Variants in TBCD observed in about 807,000 individuals in gnomAD.
TBCD encodes the protein tubulin folding cofactor D.
Under a neutral mutation model 169.3 loss-of-function variants are expected in TBCD, and 105 were observed. The ratio of observed to expected loss-of-function variants is 0.62; its 90% CI spans 0.53 to 0.73. The LOEUF is 0.73. Among genes scored for constraint, TBCD ranks in the 30% least tolerant of loss-of-function variants. The pLI is 0.00. For missense variants in TBCD, 1,444 were observed against 1,600.1 expected, an observed-to-expected ratio of 0.90 and a Z score of 1.66; for synonymous variants, 700 against 643.9, an observed-to-expected ratio of 1.09 and a Z score of -1.32.
intron 3 of TBCD, 111 bp from the exon 4 acceptor site, chr17:82,766,156 C>G (rs1184911083): frequency 1.2e-6 from 1 of 826,778 alleles, no homozygotes; most frequent in Non-Finnish European, 1.9e-6. Context: ...ACAGAATTCT[C>G]TTTGATCAGT....
chr17:82,936,362 C>T (rs1181852489), intron 34 of TBCD, among the ~76,000 whole-genome samples: 3 of 151,900 alleles, frequency 2.0e-5, no homozygotes, highest in African/African-American at 4.9e-5. Context: ...TAGCGCTTTC[C>T]GCTTCGCCGT....
chr17:82,756,278 G>T (rs1224782687), intron 2 of TBCD, 63 bp downstream of exon 2: 2 of 1,479,724 alleles, frequency 1.4e-6, no homozygotes, highest in Admixed American at 3.8e-5. Flanking sequence ...GCCTTGGTGT[G>T]TGGTGCTGGC....
intron 2 of TBCD, among the ~76,000 whole-genome samples, chr17:82,757,635 AACC>A (rs1349788268): frequency 3.1e-4 from 45 of 146,210 alleles, no homozygotes; most frequent in African/African-American, 1.1e-3. Context: ...AAAAAAAAAA[AACC>A]AAAAAAAACC....
Position 82,792,072 on chromosome 17 carries a change from G to A in TBCD, c.772-5685G>A, listed in dbSNP as rs541180184. ...CGCCTGTAATCCCAGCACTTTGGGA[G>A]GCCGAGGCGGGTGGATCACGAGGTC... On this transcript the variant is annotated intron_variant, in intron 7 of 38. Coordinates refer to ENST00000355528, the MANE Select transcript of TBCD (RefSeq NM_005993.5). Among the ~76,000 whole-genome samples the A allele has an allele frequency of 3.9e-5, 6 of 152,326 alleles. No individual in the cohort carries two copies. In the South Asian group the frequency reaches 1.0e-3, roughly 26 times the overall value.
chr17:82,761,882 C>T (rs967563134), intron 2 of TBCD, among the ~76,000 whole-genome samples: 2 of 151,648 alleles, frequency 1.3e-5, no homozygotes, highest in African/African-American at 2.4e-5. Flanking sequence ...CCCGCCAACA[C>T]ACCCAGCTAA....
At chr17:82,804,809 C>T (rs1004928863) in intron 9 of TBCD, among the ~76,000 whole-genome samples, 2 of 152,202 alleles carry the variant, frequency 1.3e-5, no homozygotes, top group Non-Finnish European at 2.9e-5. Flanking sequence ...GAACGCTAGG[C>T]GGTGGGGGTC....
chr17:82,802,760 G>C (rs1226478435), intron 9 of TBCD, among the ~76,000 whole-genome samples: 1 of 133,142 alleles, frequency 7.5e-6, no homozygotes, highest in Admixed American at 7.4e-5. Context: ...GCCTGACTTT[G>C]TCTACAGATT....
intron 14 of TBCD, chr17:82,876,951 G>A: frequency 3.0e-6 from 3 of 985,372 alleles, no homozygotes; most frequent in South Asian, 9.4e-5. Flanking sequence ...GAAGTGGACT[G>A]AACAACAGTA....
intron 34 of TBCD, among the ~76,000 whole-genome samples, chr17:82,934,458 A>G (rs1036962886): frequency 6.6e-6 from 1 of 152,138 alleles, no homozygotes; most frequent in Non-Finnish European, 1.5e-5. Context: ...CCTTTAATAC[A>G]ATGCTAAATA....
chr17:82,763,926 T>C (rs1164782241), intron 2 of TBCD, 39 bp from the exon 3 acceptor site: 1 of 1,572,962 alleles, frequency 6.4e-7, no homozygotes, highest in East Asian at 2.2e-5. Flanking sequence ...CATGTTGATG[T>C]TCACTTTTAC....
intron 22 of TBCD, 134 bp from the exon 23 acceptor site, chr17:82,911,624 C>A: frequency 1.2e-6 from 1 of 847,218 alleles, no homozygotes. Context: ...AAAGGTTGCT[C>A]ATGCTCAGTA....
intron 34 of TBCD, among the ~76,000 whole-genome samples, chr17:82,933,627 G>C (rs540513055): frequency 6.8e-6 from 1 of 147,936 alleles, no homozygotes; most frequent in East Asian, 2.0e-4. Flanking sequence ...CTTTTTTTTT[G>C]TTTGTTTTGA....
At chr17:82,879,599 C>T (rs2058217551) in intron 14 of TBCD, among the ~76,000 whole-genome samples, 2 of 152,162 alleles carry the variant, frequency 1.3e-5, no homozygotes, top group African/African-American at 4.8e-5. Flanking sequence ...GTCCGGGATG[C>T]AGACACGTCT....
rs538136779 is a variant in TBCD at position 82,935,005 on chromosome 17, C to T, written c.3192-2266C>T. On this transcript the variant is annotated intron_variant, in intron 34 of 38. Transcript: ENST00000355528. ...CTTGGGCCTGGGAGGCGAAGGTTGCCGTGAGCTGAGATTGAGCCACTGTGC... is the reference window on the plus strand; with the variant it reads ...CTTGGGCCTGGGAGGCGAAGGTTGCTGTGAGCTGAGATTGAGCCACTGTGC... Among the ~76,000 whole-genome samples the T allele has an allele frequency of 7.9e-5, 12 of 152,142 alleles. 1 individual carries two copies. In the South Asian group the frequency reaches 8.3e-4, roughly 11 times the overall value.
Position 82,874,127 on chromosome 17 carries a change from G to T in TBCD, c.1475+3747G>T, listed in dbSNP as rs1015184592. Among the ~76,000 whole-genome samples the T allele has an allele frequency of 6.6e-6, 1 of 152,198 alleles. No individual in the cohort carries two copies. The highest frequency in any genetic ancestry group is 1.5e-5 in the Non-Finnish European group (1 of 68,024). On this transcript the variant is annotated intron_variant, in intron 14 of 38. Coordinates refer to ENST00000355528, the MANE Select transcript of TBCD (RefSeq NM_005993.5). This position sits in a 1 kb window ranked among gnomAD's most constrained non-coding sequence, Gnocchi z 5.0. The stretch of plus-strand genomic sequence containing the variant: ...ATCATGCTGTGGGGTGCTCCCTGGG[G>T]GTTGTGTGTGTGTGGGTCCCACGGT...
At chr17:82,752,812 T>C (rs2047181181) in intron 1 of TBCD, among the ~76,000 whole-genome samples, 1 of 152,056 alleles carries the variant, frequency 6.6e-6, no homozygotes, top group South Asian at 2.1e-4. Flanking sequence ...TTTCTGTGAA[T>C]GTTGTGTGGA....
intron 7 of TBCD, among the ~76,000 whole-genome samples, chr17:82,797,208 G>T (rs1357129142): frequency 1.3e-5 from 2 of 152,182 alleles, no homozygotes; most frequent in Non-Finnish European, 2.9e-5. Flanking sequence ...TTCCTGTTTG[G>T]TCTGATGGAC....
At chr17:82,778,000 C>A (rs1223108099) in intron 6 of TBCD, among the ~76,000 whole-genome samples, 7 of 152,238 alleles carry the variant, frequency 4.6e-5, no homozygotes, top group African/African-American at 1.7e-4. Context: ...CCTGTCTGGG[C>A]ATAACAGAAG....
chr17:82,891,444 C>T (rs1157507397), intron 16 of TBCD, among the ~76,000 whole-genome samples: 1 of 152,206 alleles, frequency 6.6e-6, no homozygotes, highest in Non-Finnish European at 1.5e-5. Context: ...AGAAGCGGCA[C>T]AGATTTTGAA....
Sources: gnomAD v4.1 joint callset for allele counts (sites outside exome capture counted in the v4.1 genomes callset) on GRCh38, gnomAD v4.1.1 for gene constraint, Gnocchi (gnomAD v3.1) non-coding constraint, MANE v1.5 for transcripts, NCBI Gene and HGNC (gene_info 2026-07-23, HGNC 2026-07-21) for gene names.